SLC11A2: variants seen among roughly 807,000 people sequenced by gnomAD.
SLC11A2 encodes solute carrier family 11 member 2.
Under a neutral mutation model 68.0 loss-of-function variants are expected in SLC11A2, and 38 were observed. The ratio of observed to expected loss-of-function variants is 0.56; its 90% CI spans 0.43 to 0.73. The LOEUF is 0.73. Among genes scored for constraint, SLC11A2 ranks in the 30% least tolerant of loss-of-function variants. The pLI is 0.00. For missense variants in SLC11A2, 517 were observed against 690.5 expected (o/e 0.75, Z 2.82); for synonymous variants, 242 against 250.6 (o/e 0.97, Z 0.32).
intron 5 of SLC11A2, 93 bp from the exon 6 acceptor site, chr12:51,000,512 T>C: frequency 2.2e-6 from 2 of 914,752 alleles, no homozygotes; most frequent in South Asian, 2.8e-5. Flanking sequence ...CACTAAACCA[T>C]AAACAGTCCT....
rs751300128 is a variant in SLC11A2 at position 50,992,285 on chromosome 12, T to C, written c.1252A>G (p.Ile418Val). The change falls in exon 13 of 16, where the codon ATT (isoleucine) becomes GTT (valine). Residue 418 changes from isoleucine (I) to valine (V), a missense_variant. Physicochemically the swap from Ile to Val is conservative, Grantham distance 29 (BLOSUM62 3). Transcript: ENST00000262052. ...ACAAGCAGAGTGGGGATGATGGCAA[T>C]AGAGCGAGTCAGAACCACTCGGGCA... ...RFARVVLTRS[I>V]AIIPTLLVAV... The C allele has an allele frequency of 6.8e-6, 11 of 1,613,860 alleles. No homozygotes were observed. Among genetic ancestry groups the C allele is most frequent in the Admixed American group, 1.7e-5 (1 of 59,986 alleles).
At chr12:50,994,855 T>A in intron 10 of SLC11A2, 4 of 547,760 alleles carry the variant, frequency 7.3e-6, no homozygotes, top group South Asian at 6.0e-5. Context: ...AGTTACAGTG[T>A]GCATGGTAAT....
intron 11 of SLC11A2, among the ~76,000 whole-genome samples, chr12:50,993,916 AG>A (rs1220627503): frequency 7.0e-6 from 1 of 142,058 alleles, no homozygotes; most frequent in Non-Finnish European, 1.5e-5. Context: ...CACTTGGACC[AG>A]GTAGGTGGAG....
rs926669920 is a variant in SLC11A2 at position 50,999,260 on chromosome 12, C to T, written c.608-19G>A. ...CGCAAGCCTAAAGGAAAAAAGGCAGCAGTGAGCTCAGAGAAGGTAGACTTC... is the reference window on the plus strand; with the variant it reads ...CGCAAGCCTAAAGGAAAAAAGGCAGTAGTGAGCTCAGAGAAGGTAGACTTC... On this transcript the variant is annotated intron_variant, in intron 7 of 15. Coordinates refer to ENST00000262052, the MANE Select transcript of SLC11A2 (RefSeq NM_000617.3). The T allele has an allele frequency of 2.5e-6, 4 of 1,613,814 alleles. No homozygotes were observed. In the Admixed American group the frequency reaches 6.7e-5, roughly 27 times the overall value.
At chr12:50,960,925 C>T in the SLC11A2 span, 1,441 of 1,514,222 alleles carry the variant, frequency 9.5e-4, 7 homozygotes, top group African/African-American at 0.018. Flanking sequence ...CACGATGCTC[C>T]TGCCTCAGCC....
chr12:50,993,992 C>CAAAAAAAAAAAAAA lies in SLC11A2; in HGVS notation c.1077+538_1077+551dup, dbSNP rs71663850. Among the ~76,000 whole-genome samples the CAAAAAAAAAAAAAA allele has an allele frequency of 3.2e-3, 155 of 48,396 alleles. 1 individual carries two copies. Among genetic ancestry groups the CAAAAAAAAAAAAAA allele is most frequent in the Middle Eastern group, 0.019 (1 of 54 alleles). 31.7% of individuals were successfully genotyped at this position (48,396 alleles called of 152,430 possible). ...GGGCAACAGAGCAAGACCTTGTCTC[C>CAAAAAAAAAAAAAA]AAAAAAAAAAAAAAAAAAAAAAAAA... On this transcript the variant is annotated intron_variant, in intron 11 of 15. Coordinates refer to ENST00000262052, the MANE Select transcript of SLC11A2 (RefSeq NM_000617.3).
rs751412443 is a variant in SLC11A2, at chr12:50,999,309, C to G, written c.607+36G>C. On this transcript the variant is annotated intron_variant, in intron 7 of 15. Transcript: ENST00000262052. Reference sequence around the variant, plus strand: ...TCCCCATCTGCCACATGACAGAGAGCAGCTCCTTTGACCCTCCCATTCCCG... The same window carrying G: ...TCCCCATCTGCCACATGACAGAGAGGAGCTCCTTTGACCCTCCCATTCCCG... The G allele has an allele frequency of 3.1e-6, 5 of 1,606,724 alleles. No individual in the cohort carries two copies. In the African/African-American group the frequency reaches 5.4e-5, roughly 17 times the overall value.
chr12:51,008,800 T>C (rs1487013486), intron 2 of SLC11A2, among the ~76,000 whole-genome samples, 176 bp from the exon 3 acceptor site: 1 of 152,194 alleles, frequency 6.6e-6, no homozygotes, highest in East Asian at 1.9e-4. Flanking sequence ...GAATAAGTAA[T>C]ACATTCACAT....
upstream of SLC11A2, among the ~76,000 whole-genome samples, chr12:51,027,739 G>A (rs1282840420): frequency 2.0e-5 from 3 of 152,010 alleles, no homozygotes; most frequent in African/African-American, 4.8e-5. Flanking sequence ...CTCACTCCCC[G>A]ACCCCTCGCA....
intron 1 of SLC11A2, among the ~76,000 whole-genome samples, chr12:51,012,306 G>A (rs770752588): frequency 6.6e-6 from 1 of 151,932 alleles, no homozygotes; most frequent in African/African-American, 2.4e-5. Flanking sequence ...CTTGGGAACA[G>A]ATCTATGGCA....
the SLC11A2 span, among the ~76,000 whole-genome samples, chr12:50,972,949 C>A: frequency 7.9e-5 from 12 of 152,186 alleles, no homozygotes; most frequent in Non-Finnish European, 1.8e-4. Flanking sequence ...GGGGGAGGGG[C>A]GCCCACCATT....
chr12:51,008,329 A>G lies in SLC11A2; in HGVS notation c.183+147T>C, dbSNP rs11169665. On this transcript the variant is annotated intron_variant, in intron 3 of 15. Transcript: ENST00000262052. ...TGTGTGTGTGTGTGTGTGTGTGTAT[A>G]TATATATATAGATATATAGATATAG... 338 of 618,544 alleles carry G rather than the reference A, an allele frequency of 5.5e-4. 1 individual carries two copies. In the Middle Eastern group the frequency reaches 6.7e-3, roughly 12 times the overall value. 38.3% of individuals were successfully genotyped at this position (618,544 alleles called of 1,614,324 possible). A position where few individuals can be genotyped will look rare whatever the true frequency, so the allele number is the denominator to read the frequency against.
chr12:50,963,916 C>G, the SLC11A2 span, among the ~76,000 whole-genome samples: 1 of 152,180 alleles, frequency 6.6e-6, no homozygotes, highest in East Asian at 1.9e-4. Flanking sequence ...CTCTTAACTT[C>G]CAAATAAAGA....
At chr12:51,013,016 G>A (rs920084203) in intron 1 of SLC11A2, among the ~76,000 whole-genome samples, 2 of 152,096 alleles carry the variant, frequency 1.3e-5, no homozygotes, top group African/African-American at 4.8e-5. Flanking sequence ...ACATATAATT[G>A]TAACAAACTA....
intron 1 of SLC11A2, among the ~76,000 whole-genome samples, chr12:51,012,326 T>C (rs546783764): frequency 3.3e-5 from 5 of 149,462 alleles, no homozygotes; most frequent in East Asian, 2.0e-4. Flanking sequence ...ATATTCTCCA[T>C]TGAGCCTTAC....
At position 50,986,083 on chromosome 12, in the gene SLC11A2, C is replaced by T. The variant is rs2136148605; in HGVS notation, c.*2242G>A. 7.8e-7 allele frequency: 1 copy of T among 1,286,576 alleles called. No individual in the cohort carries two copies. The highest frequency in any genetic ancestry group is 5.5e-5 in the East Asian group (1 of 18,024). The allele number at this position is 1,286,576 out of a possible 1,614,324, so 79.7% of individuals were successfully genotyped here. On this transcript the variant is annotated 3_prime_UTR_variant, in exon 16 of 16. Transcript: ENST00000262052. ...TCAGTTGTAACCACTCCTAACACCA[C>T]TAGCAGAACCTCAAGGGAGCCAAGA... is the stretch of plus-strand genomic sequence containing the variant.
chr12:50,956,678 AT>A, the SLC11A2 span, among the ~76,000 whole-genome samples: 1 of 152,156 alleles, frequency 6.6e-6, no homozygotes. Flanking sequence ...TCATACGTGC[AT>A]TTCTGTGTAT....
At chr12:50,977,455 G>C (rs1257547219), downstream of SLC11A2, among the ~76,000 whole-genome samples, 1 of 152,204 alleles carries the variant, frequency 6.6e-6, no homozygotes, top group Non-Finnish European at 1.5e-5. Context: ...GTAGAAAGCT[G>C]AAACTGGATC....
the SLC11A2 span, among the ~76,000 whole-genome samples, chr12:50,963,962 AGC>A: frequency 6.6e-6 from 1 of 152,178 alleles, no homozygotes; most frequent in Non-Finnish European, 1.5e-5. Context: ...TATATCCAAA[AGC>A]ATGCTAGTTA....
Sources: gnomAD v4.1 joint callset for allele counts (sites outside exome capture counted in the v4.1 genomes callset) on GRCh38, gnomAD v4.1.1 for gene constraint, MANE v1.5 for transcripts, NCBI Gene and HGNC (gene_info 2026-07-23, HGNC 2026-07-21) for gene names.